NAV2: variants seen among roughly 807,000 people sequenced by gnomAD.
NAV2 encodes helicase, APC down-regulated 1.
In NAV2, 54 loss-of-function variants were observed where a neutral mutation model predicts 223.2. The ratio of observed to expected loss-of-function variants is 0.24; its 90% CI spans 0.19 to 0.30. The LOEUF is 0.30. Ranked by LOEUF, NAV2 falls within the 10% of genes least tolerant of loss-of-function variation. NAV2 has a pLI of 1.00. For synonymous variants in NAV2, 1,279 were observed against 1,239.3 expected (o/e 1.03, Z -0.67); for missense variants, 2,806 against 3,147.5 (o/e 0.89, Z 2.60).
At chr11:19,499,013 G>A (rs1478369690) in intron 1 of NAV2, among the ~76,000 whole-genome samples, 2 of 152,124 alleles carry the variant, frequency 1.3e-5, no homozygotes, top group Non-Finnish European at 2.9e-5. Context: ...TTAAGTCCAC[G>A]GTCAACATCT....
At chr11:19,778,508 A>G (rs560696160) in intron 1 of NAV2, among the ~76,000 whole-genome samples, 1 of 152,310 alleles carries the variant, frequency 6.6e-6, no homozygotes, top group South Asian at 2.1e-4. Context: ...AACAAAAACA[A>G]AAACAAAAAC....
At chr11:19,949,468 C>G (rs2047207551) in intron 10 of NAV2, among the ~76,000 whole-genome samples, 1 of 152,206 alleles carries the variant, frequency 6.6e-6, no homozygotes, top group Non-Finnish European at 1.5e-5. Context: ...TGCAGCTGTC[C>G]CTTCCAATCT....
chr11:19,455,346 C>T (rs1851924989), intron 1 of NAV2, among the ~76,000 whole-genome samples: 1 of 152,106 alleles, frequency 6.6e-6, no homozygotes, highest in Non-Finnish European at 1.5e-5. Context: ...ATCCCTAGCA[C>T]CTAGAACCAC....
chr11:19,357,624 G>A (rs1180522888), intron 1 of NAV2, among the ~76,000 whole-genome samples: 1 of 152,152 alleles, frequency 6.6e-6, no homozygotes, highest in East Asian at 1.9e-4. Flanking sequence ...GGTGGCTGCT[G>A]CTACTGCATT....
chr11:19,832,340 A>T, intron 1 of NAV2, 144 bp from the exon 2 acceptor site: 1 of 688,390 alleles, frequency 1.5e-6, no homozygotes, highest in South Asian at 1.7e-5. Flanking sequence ...TGATCAGCAC[A>T]ATGCACTGAA....
At chr11:19,878,877 C>T (rs530728259) in intron 4 of NAV2, among the ~76,000 whole-genome samples, 1 of 152,322 alleles carries the variant, frequency 6.6e-6, no homozygotes, top group South Asian at 2.1e-4. Context: ...TGTGCATTAC[C>T]TACCCCTCTA....
intron 1 of NAV2, among the ~76,000 whole-genome samples, chr11:19,604,290 G>C (rs2046425782): frequency 6.6e-6 from 1 of 152,174 alleles, no homozygotes; most frequent in South Asian, 2.1e-4. Flanking sequence ...AAAGTTGACA[G>C]TGGCTTGGAC....
intron 3 of NAV2, among the ~76,000 whole-genome samples, chr11:19,864,621 C>G (rs2061982131): frequency 6.6e-6 from 1 of 152,176 alleles, no homozygotes; most frequent in Non-Finnish European, 1.5e-5. Flanking sequence ...ATATGGGAGA[C>G]AAAGGCTGCA....
rs572222477 is a variant in NAV2 at position 19,415,058 on chromosome 11, A to G, written c.75+64031A>G. Among the ~76,000 whole-genome samples the G allele has an allele frequency of 4.5e-4, 69 of 152,312 alleles. No individual in the cohort carries two copies. The Middle Eastern group carries it at 0.01, about 23-fold the overall frequency. ...GTACTAGTGAAACAAGAGCAAAAAA[A>G]TTCAAAAACTAGCAGAAGACAAGAA... On this transcript the variant is annotated intron_variant, in intron 1 of 37. Coordinates refer to the NAV2 transcript ENST00000360655.
intron 1 of NAV2, among the ~76,000 whole-genome samples, chr11:19,422,396 C>A (rs902903432): frequency 4.6e-5 from 7 of 152,166 alleles, no homozygotes; most frequent in Non-Finnish European, 8.8e-5. Context: ...CATAGGCTGC[C>A]AGCCAGTAGG....
At chr11:19,850,563 T>A (rs2061056076) in intron 3 of NAV2, among the ~76,000 whole-genome samples, 1 of 152,204 alleles carries the variant, frequency 6.6e-6, no homozygotes, top group South Asian at 2.1e-4. Flanking sequence ...TCAGTATTAA[T>A]TTGGAAGTTC....
At chr11:19,719,935 G>A (rs2050624498) in intron 1 of NAV2, among the ~76,000 whole-genome samples, 1 of 152,212 alleles carries the variant, frequency 6.6e-6, no homozygotes, top group Admixed American at 6.5e-5. Context: ...CACTGTAGAG[G>A]TGGTTGAGTG....
intron 1 of NAV2, among the ~76,000 whole-genome samples, chr11:19,421,534 A>G (rs4296018): frequency 0.85 from 129,601 of 152,170 alleles, 56,200 homozygotes; most frequent in East Asian, 0.93. Flanking sequence ...AACCCTTGAT[A>G]TTATGTATAT....
At chr11:19,493,912 A>G (rs1271044544) in intron 1 of NAV2, among the ~76,000 whole-genome samples, 2 of 152,262 alleles carry the variant, frequency 1.3e-5, no homozygotes, top group Non-Finnish European at 2.9e-5. Flanking sequence ...GTATCAGACC[A>G]ATAGCTGCCT....
At chr11:19,961,893 C>T (rs191289198) in intron 10 of NAV2, among the ~76,000 whole-genome samples, 2 of 152,072 alleles carry the variant, frequency 1.3e-5, no homozygotes, top group East Asian at 3.9e-4. Context: ...TAGCTCCTGG[C>T]TGGATCAGAG....
intron 1 of NAV2, among the ~76,000 whole-genome samples, chr11:19,377,840 A>G (rs1335459137): frequency 6.6e-6 from 1 of 152,166 alleles, no homozygotes; most frequent in Non-Finnish European, 1.5e-5. Flanking sequence ...ATTTCATTTC[A>G]TTCCTTTAGC....
At chr11:19,350,841 C>T (rs1853266511) in exon 1 of NAV2, 6 of 1,036,618 alleles carry the variant, frequency 5.8e-6, no homozygotes, top group South Asian at 1.4e-5. Flanking sequence ...ATTTCCTTGG[C>T]TGGCGGGAAC....
In NAV2 at chr11:20,080,065, A is replaced by G; in HGVS notation, c.5181A>G (p.Gly1727=). Residue 1727 remains glycine, a splice_region_variant and synonymous_variant, in exon 25 of 38, where the codon GGA becomes GGG. Coordinates refer to ENST00000349880, the MANE Select transcript of NAV2 (RefSeq NM_145117.5). ...VINTPELNCK[G]NGTAQSADLR... Reference sequence around the variant, plus strand: ...GAAACACCCTGCCTTGGTCTCCAGGAAACGGCACTGCCCAGTCTGCAGACC... The same window carrying G: ...GAAACACCCTGCCTTGGTCTCCAGGGAACGGCACTGCCCAGTCTGCAGACC... 1 of 1,613,540 alleles carries G rather than the reference A, an allele frequency of 6.2e-7. No homozygotes were observed.
intron 11 of NAV2, among the ~76,000 whole-genome samples, chr11:20,017,106 G>A (rs2054078534): frequency 6.6e-6 from 1 of 152,168 alleles, no homozygotes; most frequent in South Asian, 2.1e-4. Context: ...GAAAAGAATA[G>A]AGGAAGTGGA....
Sources: allele counts gnomAD v4.1 joint callset (sites outside exome capture counted in the v4.1 genomes callset), GRCh38; gene constraint gnomAD v4.1.1; transcripts MANE v1.5; gene names NCBI Gene and HGNC (gene_info 2026-07-23, HGNC 2026-07-21).